The following TADA3 variants were observed in gnomAD, a reference collection of about 807,000 sequenced individuals.
The protein encoded by TADA3 is transcriptional adaptor 3, also known as transcriptional adapter 3.
TADA3 carries 25 observed loss-of-function variants against 43.2 expected under a neutral mutation model. The ratio of observed to expected loss-of-function variants is 0.58; its 90% CI spans 0.42 to 0.81. TADA3 has a LOEUF of 0.81. TADA3 is among the 30% of genes least tolerant of loss of function. The probability of loss-of-function intolerance (pLI) is 0.00; values close to 1 mark genes in which losing one functional copy is unlikely to be tolerated. For missense variants in TADA3, 441 were observed against 567.8 expected (o/e 0.78, Z 2.27); for synonymous variants, 235 against 225.5 (o/e 1.04, Z -0.38).
At chr3:9,784,909 A>G (rs548352752) in intron 7 of TADA3, among the ~76,000 whole-genome samples, 1 of 152,148 alleles carries the variant, frequency 6.6e-6, no homozygotes, top group Non-Finnish European at 1.5e-5. Flanking sequence ...ATTTTAAGTA[A>G]AAATAGTATT....
rs565674480 is a variant in TADA3, at chr3:9,787,797, G to A, written c.565-457C>T. 39 of 1,024,550 alleles carry A rather than the reference G, an allele frequency of 3.8e-5. No homozygotes were observed. The East Asian group carries it at 1.4e-3, about 37-fold the overall frequency. 63.5% of individuals were successfully genotyped at this position (1,024,550 alleles called of 1,614,324 possible). On this transcript the variant is annotated intron_variant, in intron 4 of 8. Transcript: ENST00000301964. ...CAAAGTGTTGTGGCAGCACAAAGGA[G>A]AGACTGACTAACTTTCTGCTGGGGA...
chr3:9,787,714 G>T, intron 4 of TADA3: 1 of 1,309,616 alleles, frequency 7.6e-7, no homozygotes, highest in Non-Finnish European at 1.0e-6. Context: ...CTGTCTGTAT[G>T]AACTCTTTTT....
chr3:9,792,945 G>C (rs2078778943), upstream of TADA3: 2 of 1,413,940 alleles, frequency 1.4e-6, no homozygotes, highest in Non-Finnish European at 1.8e-6. Flanking sequence ...GACAGCCCTA[G>C]GTGGAAAACT....
In TADA3 at chr3:9,780,329, G is replaced by A; in HGVS notation, c.*28C>T. On this transcript the variant is annotated 3_prime_UTR_variant, in exon 9 of 9. Transcript: ENST00000301964. ...GCCTCCCTTCCCCTCCCCTAGGCCA[G>A]ATAATCAGCCTGAGGCAGGGGTGAG... 1 of 1,592,620 alleles carries A rather than the reference G, an allele frequency of 6.3e-7. No individual in the cohort carries two copies. Among genetic ancestry groups the A allele is most frequent in the Non-Finnish European group, 8.6e-7 (1 of 1,169,122 alleles).
Position 9,784,340 on chromosome 3 carries a change from A to C in TADA3, c.921-127T>G, listed in dbSNP as rs2078553813. 29 of 1,225,848 alleles carry C rather than the reference A, an allele frequency of 2.4e-5. No homozygotes were observed. In the South Asian group the frequency reaches 4.7e-4, roughly 20 times the overall value. The allele number at this position is 1,225,848 out of a possible 1,614,324, so 75.9% of individuals were successfully genotyped here. On this transcript the variant is annotated intron_variant, in intron 7 of 8. Coordinates refer to ENST00000301964, the MANE Select transcript of TADA3 (RefSeq NM_006354.5). Reference sequence around the variant, plus strand: ...CCCTTTGGGCACCCCCTCTGTATCTATCCAGATACAAAGGGAGGGACAGAC... The same window carrying C: ...CCCTTTGGGCACCCCCTCTGTATCTCTCCAGATACAAAGGGAGGGACAGAC...
chr3:9,781,411 G>C, intron 8 of TADA3: 1 of 430,282 alleles, frequency 2.3e-6, no homozygotes, highest in East Asian at 7.3e-5. Context: ...TACCCGTGAG[G>C]AAAATGAGGC....
At chr3:9,782,839 G>A (rs1338455459) in intron 8 of TADA3, among the ~76,000 whole-genome samples, 1 of 150,908 alleles carries the variant, frequency 6.6e-6, no homozygotes, top group Admixed American at 6.6e-5. Context: ...TGTCCTGTCA[G>A]GGCTCTATGA....
chr3:9,786,915 A>G, intron 6 of TADA3, 91 bp downstream of exon 6: 1 of 1,242,158 alleles, frequency 8.1e-7, no homozygotes, highest in South Asian at 1.3e-5. Flanking sequence ...GCACCAACCT[A>G]ATAAATGTAT....
chr3:9,789,160 A>G (rs1418107410), intron 4 of TADA3, among the ~76,000 whole-genome samples: 1 of 152,214 alleles, frequency 6.6e-6, no homozygotes, highest in African/African-American at 2.4e-5. Flanking sequence ...TAAAGAAAGA[A>G]GAAAGGTTCC....
chr3:9,786,893 C>A (rs73113561), intron 6 of TADA3, 113 bp downstream of exon 6: 5 of 969,966 alleles, frequency 5.2e-6, no homozygotes, highest in Non-Finnish European at 6.3e-6. Flanking sequence ...ACTTTTGCAC[C>A]AACCTATTTT....
At chr3:9,789,397 A>C in intron 4 of TADA3, 112 bp downstream of exon 4, 1 of 961,688 alleles carries the variant, frequency 1.0e-6, no homozygotes, top group East Asian at 2.7e-5. Context: ...CAGACAGCAG[A>C]CTGGGCAGGG....
chr3:9,791,502 G>T lies in TADA3; in HGVS notation c.-27-9C>A. The T allele has an allele frequency of 6.5e-7, 1 of 1,527,084 alleles. No homozygotes were observed. The highest frequency in any genetic ancestry group is 1.4e-5 in the African/African-American group (1 of 73,022). The allele number at this position is 1,527,084 out of a possible 1,614,324, so 94.6% of individuals were successfully genotyped here. ...ATGGGGATCCTGTGGAGCTGGAGAGGACAGGGCCATTGATGGGAGACAAAG... is the reference window on the plus strand; with the variant it reads ...ATGGGGATCCTGTGGAGCTGGAGAGTACAGGGCCATTGATGGGAGACAAAG... On this transcript the variant is annotated splice_polypyrimidine_tract_variant and intron_variant, in intron 1 of 8. Coordinates refer to ENST00000301964, the MANE Select transcript of TADA3 (RefSeq NM_006354.5).
In TADA3 at chr3:9,792,246, G is replaced by A. The variant is rs1362613959; in HGVS notation, c.-58C>T. ...TGGGATGTTCTGAGGATTAAGAGAT[G>A]ATGCCCGTCAAGAGCCCAGTTCAGT... On this transcript the variant is annotated 5_prime_UTR_variant, in exon 1 of 9. Coordinates refer to ENST00000301964, the MANE Select transcript of TADA3 (RefSeq NM_006354.5). 1 of 153,916 alleles carries A rather than the reference G, an allele frequency of 6.5e-6. No individual in the cohort carries two copies. Among genetic ancestry groups the A allele is most frequent in the Non-Finnish European group, 1.4e-5 (1 of 69,282 alleles). The allele number at this position is 153,916 out of a possible 1,614,324, so 9.5% of individuals were successfully genotyped here. A position where few individuals can be genotyped will look rare whatever the true frequency, so the allele number is the denominator to read the frequency against.
chr3:9,782,790 C>CAAAA (rs36123956), intron 8 of TADA3, among the ~76,000 whole-genome samples: 2 of 120,048 alleles, frequency 1.7e-5, no homozygotes, highest in Middle Eastern at 3.6e-3. Flanking sequence ...GACACCGTCT[C>CAAAA]AAAAAAAAAA....
upstream of TADA3, chr3:9,792,738 G>A (rs2078772010): frequency 2.4e-6 from 3 of 1,243,272 alleles, no homozygotes; most frequent in Non-Finnish European, 3.0e-6. Context: ...TGGGGGTACA[G>A]AACCGGAAGA....
At position 9,789,601 on chromosome 3, in the gene TADA3, C is replaced by A. The variant is rs1017912754; in HGVS notation, c.472G>T (p.Val158Leu). 7.4e-6 allele frequency: 12 copies of A among 1,614,106 alleles called. No individual in the cohort carries two copies. Among genetic ancestry groups the A allele is most frequent in the South Asian group, 6.6e-5 (6 of 91,082 alleles). ...GTGATGTCAGCACAGTAGGGCTCCACTGAAGCCCAGAACCTGCAGGGAGAA... is the reference window on the plus strand; with the variant it reads ...GTGATGTCAGCACAGTAGGGCTCCAATGAAGCCCAGAACCTGCAGGGAGAA... ...NDAPNRFWASVEPYCADITSE... is the reference protein window; with the variant it reads ...NDAPNRFWASLEPYCADITSE... The change falls in exon 4 of 9, where the codon GTG becomes TTG. Residue 158 changes from valine (V) to leucine (L), a missense_variant. Transcript: ENST00000301964.
intron 8 of TADA3, 54 bp from the exon 9 acceptor site, chr3:9,780,603 C>T: frequency 1.6e-5 from 24 of 1,536,752 alleles, no homozygotes; most frequent in Non-Finnish European, 2.0e-5. Flanking sequence ...AGAGAACAAC[C>T]CCTCCCTCTT....
chr3:9,780,586 C>T, intron 8 of TADA3, 37 bp from the exon 9 acceptor site: 1 of 1,574,822 alleles, frequency 6.3e-7, no homozygotes, highest in Non-Finnish European at 8.6e-7. Flanking sequence ...AGGGTCAGCC[C>T]ACCTCCAGAG....
intron 4 of TADA3, chr3:9,787,565 C>A: frequency 1.0e-6 from 1 of 999,142 alleles, no homozygotes; most frequent in Admixed American, 2.8e-5. Context: ...AGAAGCCAAT[C>A]TGAAATAATT....
Sources: allele counts gnomAD v4.1 joint callset (sites outside exome capture counted in the v4.1 genomes callset), GRCh38; gene constraint gnomAD v4.1.1; transcripts MANE v1.5; gene names NCBI Gene and HGNC (gene_info 2026-07-23, HGNC 2026-07-21).